ADCY6: variants seen among roughly 807,000 people sequenced by gnomAD.
The protein encoded by ADCY6 is adenylate cyclase 6, also known as adenylate cyclase type 6.
ADCY6 carries 59 observed loss-of-function variants against 111.6 expected under a neutral mutation model. That is an observed-to-expected ratio of 0.53 (90% CI 0.43 to 0.66). The LOEUF is 0.66. Among genes scored for constraint, ADCY6 ranks in the 30% least tolerant of loss-of-function variants. ADCY6 has a pLI of 0.00. For missense variants in ADCY6, 1,242 were observed against 1,595.6 expected (o/e 0.78, Z 3.78); for synonymous variants, 576 against 642.9 (o/e 0.90, Z 1.57).
In ADCY6 at chr12:48,771,982, A is replaced by G; in HGVS notation, c.2788-9T>C. On this transcript the variant is annotated splice_polypyrimidine_tract_variant and intron_variant, in intron 18 of 21. Transcript: ENST00000357869. This position sits in a 1 kb window ranked among gnomAD's most constrained non-coding sequence, Gnocchi z 4.3. ...TCCTTCTCCCCTGTTGCCTGTGGAC[A>G]CCACACCCATCACCCATTGCCCGAC... is the stretch of plus-strand genomic sequence containing the variant. 1 of 1,601,368 alleles carries G rather than the reference A, an allele frequency of 6.2e-7. No homozygotes were observed. Among genetic ancestry groups the G allele is most frequent in the East Asian group, 2.2e-5 (1 of 44,802 alleles).
Position 48,766,805 on chromosome 12 carries a change from T to A in ADCY6, c.*1786A>T, listed in dbSNP as rs1941390257. The A allele has an allele frequency of 6.6e-6, 1 of 152,368 alleles. No homozygotes were observed. The highest frequency in any genetic ancestry group is 1.5e-5 in the Non-Finnish European group (1 of 68,112). 9.4% of individuals were successfully genotyped at this position (152,368 alleles called of 1,614,324 possible). ...CCTTCTCCTCTGCCTCTCTAGTCAT[T>A]TCCAAGACAAAGTGATCTTCAAGCA... On this transcript the variant is annotated 3_prime_UTR_variant, in exon 22 of 22. Transcript: ENST00000357869.
chr12:48,772,020 T>C, intron 18 of ADCY6, 47 bp from the exon 19 acceptor site: 1 of 1,570,152 alleles, frequency 6.4e-7, no homozygotes, highest in Non-Finnish European at 8.6e-7. Context: ...TCACAAGGGG[T>C]AGGTGTGGTG....
At chr12:48,768,912 C>T in intron 21 of ADCY6, 25 bp downstream of exon 21, 2 of 1,593,204 alleles carry the variant, frequency 1.3e-6, no homozygotes, top group South Asian at 2.3e-5. Context: ...ATGTTCCTCC[C>T]AGCCCCTGCT....
intron 1 of ADCY6, chr12:48,784,081 CA>C (rs953287722): frequency 1.6e-3 from 224 of 135,768 alleles, no homozygotes; most frequent in Non-Finnish European, 2.2e-3. Flanking sequence ...GACTCCGTCT[CA>C]AAAAAAAAAA....
intron 20 of ADCY6, 67 bp downstream of exon 20, chr12:48,770,699 G>T: frequency 1.3e-6 from 2 of 1,517,078 alleles, no homozygotes; most frequent in Non-Finnish European, 1.8e-6. Flanking sequence ...CCCATCCCCA[G>T]CCTATAATCC....
chr12:48,784,539 G>T (rs1316238321), intron 1 of ADCY6, among the ~76,000 whole-genome samples: 1 of 151,900 alleles, frequency 6.6e-6, no homozygotes, highest in Admixed American at 6.6e-5. Context: ...GTTCAGAACT[G>T]GGAGGAAAAG....
intron 2 of ADCY6, 94 bp from the exon 3 acceptor site, chr12:48,778,351 G>C (rs1391862956): frequency 6.5e-7 from 1 of 1,535,916 alleles, no homozygotes; most frequent in African/African-American, 1.4e-5. Context: ...GGTTCTCTGA[G>C]GAAGGAAGCC....
In ADCY6 at chr12:48,766,628, C is replaced by T. The variant is rs1306922736; in HGVS notation, c.*1963G>A. Reference sequence around the variant, plus strand: ...CCTTCTGCCATGACTAATGAAGTACCTGATGGCCCATTTGGTTGATGCATG... The same window carrying T: ...CCTTCTGCCATGACTAATGAAGTACTTGATGGCCCATTTGGTTGATGCATG... On this transcript the variant is annotated 3_prime_UTR_variant, in exon 22 of 22. Transcript: ENST00000357869. The T allele has an allele frequency of 6.5e-6, 1 of 152,788 alleles. No homozygotes were observed. Among genetic ancestry groups the T allele is most frequent in the African/African-American group, 2.4e-5 (1 of 41,562 alleles). The allele number at this position is 152,788 out of a possible 1,614,324, so 9.5% of individuals were successfully genotyped here. A position where few individuals can be genotyped will look rare whatever the true frequency, so the allele number is the denominator to read the frequency against.
At chr12:48,779,225 AC>A (rs1217524737) in intron 2 of ADCY6, among the ~76,000 whole-genome samples, 1 of 152,132 alleles carries the variant, frequency 6.6e-6, no homozygotes, top group Non-Finnish European at 1.5e-5. Flanking sequence ...GAAATAGGTA[AC>A]AATATCCCAT....
chr12:48,770,965 G>A lies in ADCY6; in HGVS notation c.3057C>T (p.Ile1019=), dbSNP rs779223643. 1.2e-6 allele frequency: 2 copies of A among 1,613,812 alleles called. No homozygotes were observed. Among genetic ancestry groups the A allele is most frequent in the Admixed American group, 1.7e-5 (1 of 59,990 alleles). The change falls in exon 20 of 22, where the codon ATC becomes ATT. Residue 1019 remains isoleucine (I), a synonymous_variant. Transcript: ENST00000357869. ...NEIIADFDEI[I]SEERFRQLEK... ...CCAGCTGCCGGAACCGCTCCTCGCT[G>A]ATAATCTGAACAACACAAGGAGACC...
Position 48,775,391 on chromosome 12 carries a change from G to A in ADCY6, c.1892C>T (p.Ala631Val). The change falls in exon 11 of 22, where the codon GCC becomes GTC. Residue 631 changes from alanine to valine, a missense_variant. Around this residue, in one of 4 missense-constraint regions of ADCY6, gnomAD observed 375 missense variants for 432.5 expected, o/e 0.87. Coordinates refer to ENST00000357869, the MANE Select transcript of ADCY6 (RefSeq NM_015270.5). The stretch of plus-strand genomic sequence containing the variant: ...CTGATCAATGCTGCGGGCATCGATG[G>A]CACGGCTCAGGAACTCATCCACCTC... ...EDEVDEFLSR[A>V]IDARSIDQLR... The A allele has an allele frequency of 6.2e-7, 1 of 1,614,134 alleles. No individual in the cohort carries two copies. Among genetic ancestry groups the A allele is most frequent in the Non-Finnish European group, 8.5e-7 (1 of 1,180,026 alleles).
At position 48,766,361 on chromosome 12, in the gene ADCY6, G is replaced by C. The variant is rs1343643869; in HGVS notation, c.*2230C>G. On this transcript the variant is annotated 3_prime_UTR_variant, in exon 22 of 22. Coordinates refer to ENST00000357869, the MANE Select transcript of ADCY6 (RefSeq NM_015270.5). ...CAACTGGGTGAGGAAAGGGACAATG[G>C]TAGCCCAGGGGAAGGGCATGGCTGG... The C allele has an allele frequency of 6.6e-6, 1 of 152,632 alleles. No individual in the cohort carries two copies. Among genetic ancestry groups the C allele is most frequent in the Non-Finnish European group, 1.5e-5 (1 of 68,066 alleles). The allele number at this position is 152,632 out of a possible 1,614,324, so 9.5% of individuals were successfully genotyped here. A position where few individuals can be genotyped will look rare whatever the true frequency, so the allele number is the denominator to read the frequency against.
chr12:48,778,579 C>A (rs1395371130), intron 2 of ADCY6, among the ~76,000 whole-genome samples: 3 of 152,226 alleles, frequency 2.0e-5, no homozygotes. Flanking sequence ...AAACACCCCA[C>A]ACAAAAGACA....
rs1419550249 is a variant in ADCY6 at position 48,774,946 on chromosome 12, A to G, written c.2078+11T>C. Reference sequence around the variant, plus strand: ...AGAGAGAAGCTAAGAGAGGAAAGGCAGGGCTCTCACTGTGGGAAGATGAGA... The same window carrying G: ...AGAGAGAAGCTAAGAGAGGAAAGGCGGGGCTCTCACTGTGGGAAGATGAGA... On this transcript the variant is annotated intron_variant, in intron 12 of 21. Transcript: ENST00000357869. The G allele has an allele frequency of 1.3e-6, 2 of 1,551,734 alleles. No homozygotes were observed. The highest frequency in any genetic ancestry group is 3.9e-5 in the Admixed American group (2 of 51,078).
At position 48,782,300 on chromosome 12, in the gene ADCY6, G is replaced by A. The variant is rs1050769996; in HGVS notation, c.864+271C>T. ...CACTATTTCAGCGGGCTAAAGAGCC[G>A]GAGACTGGGGCCCATGGTGACAGAG... On this transcript the variant is annotated intron_variant, in intron 2 of 21. Coordinates refer to ENST00000357869, the MANE Select transcript of ADCY6 (RefSeq NM_015270.5). This position sits in a 1 kb window ranked among gnomAD's most constrained non-coding sequence, Gnocchi z 4.3. Among the ~76,000 whole-genome samples, 12 of 152,082 alleles carry A rather than the reference G, an allele frequency of 7.9e-5. No individual in the cohort carries two copies. The highest frequency in any genetic ancestry group is 1.5e-4 in the Non-Finnish European group (10 of 68,016).
At position 48,777,299 on chromosome 12, in the gene ADCY6, C is replaced by T. The variant is rs1941730047; in HGVS notation, c.1249-68G>A. ...TTGCCCACCCAGCCTGCATGGCCCACCACCCTCCACGCATACTCTATCTGC... is the reference window on the plus strand; with the variant it reads ...TTGCCCACCCAGCCTGCATGGCCCATCACCCTCCACGCATACTCTATCTGC... On this transcript the variant is annotated intron_variant, in intron 5 of 21. Transcript: ENST00000357869. The surrounding 1 kb of genome is among the most constrained non-coding windows in gnomAD (Gnocchi z 4.9). 44 of 1,592,658 alleles carry T rather than the reference C, an allele frequency of 2.8e-5. No individual in the cohort carries two copies. In the South Asian group the frequency reaches 4.9e-4, roughly 18 times the overall value.
intron 16 of ADCY6, among the ~76,000 whole-genome samples, chr12:48,772,761 C>T (rs1473696354): frequency 6.6e-6 from 1 of 152,208 alleles, no homozygotes; most frequent in Admixed American, 6.5e-5. Context: ...TGACCTGAGA[C>T]AAGTCGCTTA....
chr12:48,772,302 T>C lies in ADCY6; in HGVS notation c.2780A>G (p.Lys927Arg). The C allele has an allele frequency of 6.2e-7, 1 of 1,613,118 alleles. No homozygotes were observed. The highest frequency in any genetic ancestry group is 8.5e-7 in the Non-Finnish European group (1 of 1,179,478). The change falls in exon 18 of 22, where the codon AAA becomes AGA. Residue 927 changes from lysine to arginine, a missense_variant. Transcript: ENST00000357869. ...ESTARLDFLWKLQATGEKEEM... is the reference protein window; with the variant it reads ...ESTARLDFLWRLQATGEKEEM... ...AAAGGCCCACACAGTCACCTGTAGTTTCCAGAGGAAGTCTAGGCGGGCAGT... is the reference window on the plus strand; with the variant it reads ...AAAGGCCCACACAGTCACCTGTAGTCTCCAGAGGAAGTCTAGGCGGGCAGT...
In ADCY6 at chr12:48,771,565, T is replaced by C. The variant is rs1434936609; in HGVS notation, c.3051+145A>G. On this transcript the variant is annotated intron_variant, in intron 19 of 21. Transcript: ENST00000357869. The surrounding 1 kb of genome is among the most constrained non-coding windows in gnomAD (Gnocchi z 4.3). ...TGACACCTTCATGGGTTCTTGCCTC[T>C]GCCTCCACTGTGCATACCCTTACCC... 1 of 1,342,438 alleles carries C rather than the reference T, an allele frequency of 7.4e-7. No homozygotes were observed. The highest frequency in any genetic ancestry group is 1.2e-5 in the South Asian group (1 of 83,448). The allele number at this position is 1,342,438 out of a possible 1,614,324, so 83.2% of individuals were successfully genotyped here. A position where few individuals can be genotyped will look rare whatever the true frequency, so the allele number is the denominator to read the frequency against.
Sources: allele counts gnomAD v4.1 joint callset (sites outside exome capture counted in the v4.1 genomes callset), GRCh38; gene constraint gnomAD v4.1.1; regional missense constraint gnomAD v4.1.1; non-coding constraint Gnocchi (gnomAD v3.1); transcripts MANE v1.5; gene names NCBI Gene and HGNC (gene_info 2026-07-23, HGNC 2026-07-21).